RB1CC1: variants seen among roughly 807,000 people sequenced by gnomAD.
The protein encoded by RB1CC1 is RB1-inducible coiled-coil protein 1.
RB1CC1 carries 46 observed loss-of-function variants against 177.5 expected under a neutral mutation model. The ratio of observed to expected loss-of-function variants is 0.26; its 90% confidence interval spans 0.20 to 0.33. The LOEUF (loss-of-function observed/expected upper bound fraction) is 0.33. RB1CC1 is among the 10% of genes least tolerant of loss of function. The pLI, the probability that RB1CC1 is intolerant of heterozygous loss-of-function variation, is 1.00. For synonymous variants in RB1CC1, 666 were observed against 613.6 expected, an observed-to-expected ratio of 1.09 and a Z score of -1.26; for missense variants, 1,703 against 1,816.3, an observed-to-expected ratio of 0.94 and a Z score of 1.13.
intron 1 of RB1CC1, among the ~76,000 whole-genome samples, chr8:52,708,046 G>T (rs1856735764): frequency 1.3e-5 from 2 of 152,068 alleles, no homozygotes; most frequent in Admixed American, 1.3e-4. Context: ...AAAAATGGTG[G>T]CAATTATGAC....
chr8:52,683,551 A>T lies in RB1CC1; in HGVS notation c.367T>A (p.Leu123Met), dbSNP rs770271925. The T allele has an allele frequency of 6.3e-7, 1 of 1,581,834 alleles. No individual in the cohort carries two copies. Among genetic ancestry groups the T allele is most frequent in the South Asian group, 1.2e-5 (1 of 85,090 alleles). ...TAAAATAATTGTTTATATCTTACCA[A>T]TGCAAGCTGTGTCCTTGAAGCAACA... ...HTVASRTQLA[L>M]EMYEVAKKLC... Residue 123 changes from leucine (L) to methionine (M), a missense_variant and splice_region_variant, in exon 5 of 24, where the codon TTG becomes ATG. By Grantham distance (15) the Leu-to-Met change is conservative (BLOSUM62 2). This residue lies in a region of RB1CC1 where 11 missense variants were observed against 29.1 expected (regional missense o/e 0.38). Transcript: ENST00000025008.
intron 1 of RB1CC1, among the ~76,000 whole-genome samples, chr8:52,689,999 T>G (rs1225250540): frequency 6.6e-6 from 1 of 152,070 alleles, no homozygotes; most frequent in East Asian, 1.9e-4. Flanking sequence ...ATGTGATACT[T>G]TCTAAGAAAT....
intron 22 of RB1CC1, among the ~76,000 whole-genome samples, chr8:52,626,203 G>C (rs1186502401): frequency 2.0e-5 from 3 of 152,214 alleles, no homozygotes; most frequent in Non-Finnish European, 2.9e-5. Flanking sequence ...CACAGGGGTA[G>C]CATGATCCCA....
intron 6 of RB1CC1, among the ~76,000 whole-genome samples, chr8:52,675,012 GT>G (rs1023035682): frequency 2.0e-5 from 3 of 152,022 alleles, no homozygotes; most frequent in African/African-American, 7.2e-5. Flanking sequence ...CTGAAAACAG[GT>G]TTATGTTGTC....
At chr8:52,686,346 C>G (rs1365290699) in intron 2 of RB1CC1, among the ~76,000 whole-genome samples, 1 of 152,210 alleles carries the variant, frequency 6.6e-6, no homozygotes. Context: ...GAGTTCAAGA[C>G]TAGCCTGGGC....
intron 1 of RB1CC1, among the ~76,000 whole-genome samples, chr8:52,695,036 G>A (rs1190290270): frequency 6.6e-6 from 1 of 152,090 alleles, no homozygotes; most frequent in Non-Finnish European, 1.5e-5. Context: ...TAGGCAAAGG[G>A]CATGAGTAGG....
intron 2 of RB1CC1, chr8:52,685,796 T>C: frequency 5.5e-6 from 1 of 181,858 alleles, no homozygotes; most frequent in South Asian, 1.8e-4. Context: ...GTAGCTAGAG[T>C]AAAGGTTGCT....
At chr8:52,643,766 T>C (rs1849775778) in intron 16 of RB1CC1, among the ~76,000 whole-genome samples, 1 of 151,106 alleles carries the variant, frequency 6.6e-6, no homozygotes, top group Non-Finnish European at 1.5e-5. Context: ...AAGCAATAGA[T>C]GAATGATGAA....
Position 52,660,414 on chromosome 8 carries a change from T to A in RB1CC1, c.1689+182A>T, listed in dbSNP as rs1414532018. Among the ~76,000 whole-genome samples the A allele has an allele frequency of 1.3e-5, 2 of 152,220 alleles. 1 individual carries two copies. On this transcript the variant is annotated intron_variant, in intron 12 of 23. Transcript: ENST00000025008. ...GTTATGAAGATTCTTTATAAAAAATTATGAATACAAATATCAATCTTAAAG... is the reference window on the plus strand; with the variant it reads ...GTTATGAAGATTCTTTATAAAAAATAATGAATACAAATATCAATCTTAAAG...
chr8:52,637,313 C>A (rs1849219827), intron 18 of RB1CC1, among the ~76,000 whole-genome samples: 1 of 152,094 alleles, frequency 6.6e-6, no homozygotes, highest in Non-Finnish European at 1.5e-5. Flanking sequence ...CTTTTTGATG[C>A]CATCAGAAAA....
intron 12 of RB1CC1, among the ~76,000 whole-genome samples, chr8:52,659,453 T>A (rs555557327): frequency 2.6e-5 from 4 of 152,136 alleles, no homozygotes; most frequent in Non-Finnish European, 5.9e-5. Flanking sequence ...TTTGGTCAAT[T>A]TTAGCTTCTG....
At chr8:52,627,211 G>A (rs1848457979) in intron 22 of RB1CC1, among the ~76,000 whole-genome samples, 1 of 151,974 alleles carries the variant, frequency 6.6e-6, no homozygotes. Context: ...GCTGGGCGTG[G>A]TGGCACACGC....
At position 52,660,986 on chromosome 8, in the gene RB1CC1, C is replaced by A; in HGVS notation, c.1567G>T (p.Asp523Tyr). Residue 523 changes from aspartate (D) to tyrosine (Y), a missense_variant, in exon 11 of 24, where the codon GAT becomes TAT. Transcript: ENST00000025008. Reference protein sequence around the residue: ...YREWAGALVKDGKRLYEAEKS... With the variant: ...YREWAGALVKYGKRLYEAEKS... ...TCTGCTTCATATAATCTCTTTCCAT[C>A]TTTGACTAAAGCACCAGCCCACTAG... 1 of 1,613,478 alleles carries A rather than the reference C, an allele frequency of 6.2e-7. No homozygotes were observed. Among genetic ancestry groups the A allele is most frequent in the Non-Finnish European group, 8.5e-7 (1 of 1,179,710 alleles).
chr8:52,628,928 A>ACTTAGTGATT (rs1848575950), intron 21 of RB1CC1, among the ~76,000 whole-genome samples: 1 of 152,230 alleles, frequency 6.6e-6, no homozygotes, highest in Admixed American at 6.5e-5. Context: ...CCCTACAAAT[A>ACTTAGTGATT]CTTAGTGATT....
chr8:52,630,614 A>G, intron 20 of RB1CC1, 86 bp from the exon 21 acceptor site: 1 of 1,377,062 alleles, frequency 7.3e-7, no homozygotes, highest in Non-Finnish European at 9.7e-7. Context: ...ACTGTTATAC[A>G]CATTCAAGCC....
chr8:52,652,321 C>G (rs1257273624), intron 15 of RB1CC1, among the ~76,000 whole-genome samples: 5 of 152,000 alleles, frequency 3.3e-5, no homozygotes, highest in African/African-American at 1.2e-4. Context: ...AACAAATTAG[C>G]TGGGCGTGGT....
chr8:52,645,967 A>C, intron 15 of RB1CC1, 100 bp from the exon 16 acceptor site: 2 of 1,152,212 alleles, frequency 1.7e-6, no homozygotes, highest in Non-Finnish European at 2.5e-6. Context: ...AAGCTCAATA[A>C]TGTAGCATGA....
intron 1 of RB1CC1, among the ~76,000 whole-genome samples, chr8:52,701,291 T>G (rs1267695737): frequency 6.6e-6 from 1 of 151,808 alleles, no homozygotes; most frequent in East Asian, 1.9e-4. Context: ...CCCAGCTAAT[T>G]TTTTGTATTT....
At chr8:52,661,493 C>A in intron 9 of RB1CC1, 42 bp downstream of exon 9, 1 of 1,514,656 alleles carries the variant, frequency 6.6e-7, no homozygotes, top group South Asian at 1.3e-5. Flanking sequence ...ATATAAATAC[C>A]AATTCTAAAC....
Sources: allele counts gnomAD v4.1 joint callset (sites outside exome capture counted in the v4.1 genomes callset), GRCh38; gene constraint gnomAD v4.1.1; regional missense constraint gnomAD v4.1.1; transcripts MANE v1.5; gene names NCBI Gene and HGNC (gene_info 2026-07-23, HGNC 2026-07-21).